Variants in NR6A1 observed in about 807,000 individuals in gnomAD.
NR6A1 encodes the protein nuclear receptor subfamily 6 group A member 1, also known as retinoic acid receptor-related testis-associated receptor.
A neutral mutation model predicts 59.1 loss-of-function variants in NR6A1; 7 were observed. The observed-to-expected ratio is 0.12, with a 90% CI of 0.07 to 0.22. The LOEUF (loss-of-function observed/expected upper bound fraction) is 0.22. Among genes scored for constraint, NR6A1 ranks in the 10% least tolerant of loss-of-function variants. The probability of loss-of-function intolerance (pLI) is 1.00; values close to 1 mark genes in which losing one functional copy is unlikely to be tolerated. For synonymous variants in NR6A1, 243 were observed against 236.1 expected, an observed-to-expected ratio of 1.03 and a Z score of -0.27; for missense variants, 468 against 611.6, an observed-to-expected ratio of 0.77 and a Z score of 2.48.
At chr9:124,670,974 A>G (rs1212354599) in intron 2 of NR6A1, among the ~76,000 whole-genome samples, 1 of 152,240 alleles carries the variant, frequency 6.6e-6, no homozygotes, top group Non-Finnish European at 1.5e-5. Context: ...ATACTACAAC[A>G]TAAGTGAATT....
chr9:124,742,455 A>G (rs558956165), intron 1 of NR6A1, among the ~76,000 whole-genome samples: 1 of 152,126 alleles, frequency 6.6e-6, no homozygotes, highest in African/African-American at 2.4e-5. Flanking sequence ...CAGCTACTCG[A>G]GAGGCTGAGG....
chr9:124,660,387 A>G (rs1006037047), intron 2 of NR6A1, among the ~76,000 whole-genome samples: 4 of 152,320 alleles, frequency 2.6e-5, no homozygotes, highest in Admixed American at 1.3e-4. Context: ...CCTTCCTAGC[A>G]TGGCTCTGAG....
In NR6A1 at chr9:124,590,061, C is replaced by CAAAAAAAAAAAA. The variant is rs71372976; in HGVS notation, c.143-35503_143-35492dup. Reference sequence around the variant, plus strand: ...GCCTGGTGACAGAGCAAGACTCTGTCAAAAAAAAAAAAAAAAAAAAAAAAA... The same window carrying CAAAAAAAAAAAA: ...GCCTGGTGACAGAGCAAGACTCTGTCAAAAAAAAAAAAAAAAAAAAAAAAAAAAAAAAAAAAA... On this transcript the variant is annotated intron_variant, in intron 2 of 9. Transcript: ENST00000487099. Among the ~76,000 whole-genome samples, 7 of 30,894 alleles carry CAAAAAAAAAAAA rather than the reference C, an allele frequency of 2.3e-4. 2 individuals are homozygous for CAAAAAAAAAAAA. Among genetic ancestry groups the CAAAAAAAAAAAA allele is most frequent in the South Asian group, 1.7e-3 (1 of 590 alleles). 20.3% of individuals were successfully genotyped at this position (30,894 alleles called of 152,430 possible). A position where few individuals can be genotyped will look rare whatever the true frequency, so the allele number is the denominator to read the frequency against.
At chr9:124,607,856 G>C (rs748606113) in intron 2 of NR6A1, among the ~76,000 whole-genome samples, 2 of 152,082 alleles carry the variant, frequency 1.3e-5, no homozygotes, top group Admixed American at 1.3e-4. Context: ...ACCAACCTGG[G>C]CAACATAGCG....
intron 2 of NR6A1, among the ~76,000 whole-genome samples, chr9:124,680,250 CTGTT>C (rs1838103592): frequency 6.6e-6 from 1 of 152,128 alleles, no homozygotes; most frequent in Non-Finnish European, 1.5e-5. Context: ...CATCTGGACA[CTGTT>C]TGGCATGCTG....
intron 3 of NR6A1, among the ~76,000 whole-genome samples, chr9:124,549,179 AGGATGTTACAAATAAAC>A (rs527758027): frequency 7.7e-4 from 117 of 152,334 alleles, no homozygotes; most frequent in African/African-American, 2.7e-3. Flanking sequence ...GGCTTCTTAG[AGGATGTTACAAATAAAC>A]GCTGAACCTT....
At chr9:124,582,608 C>T (rs1834807207) in intron 2 of NR6A1, among the ~76,000 whole-genome samples, 1 of 152,028 alleles carries the variant, frequency 6.6e-6, no homozygotes, top group South Asian at 2.1e-4. Flanking sequence ...GGTTCTGGGC[C>T]AGGTGGAGTG....
At chr9:124,722,795 G>C (rs959614465) in intron 2 of NR6A1, among the ~76,000 whole-genome samples, 2 of 152,122 alleles carry the variant, frequency 1.3e-5, no homozygotes, top group African/African-American at 4.8e-5. Flanking sequence ...TCTTGGTTCA[G>C]TGCAGCCTCA....
intron 2 of NR6A1, among the ~76,000 whole-genome samples, chr9:124,725,869 G>A (rs1839700646): frequency 6.6e-6 from 1 of 152,188 alleles, no homozygotes; most frequent in Non-Finnish European, 1.5e-5. Context: ...TAGACCAAAG[G>A]AGTTTGCTGG....
intron 2 of NR6A1, among the ~76,000 whole-genome samples, chr9:124,717,251 G>C (rs906974510): frequency 1.3e-5 from 2 of 152,096 alleles, no homozygotes; most frequent in African/African-American, 2.4e-5. Flanking sequence ...ATGACTAAGA[G>C]AAATAAAAAC....
chr9:124,689,908 G>A (rs1838468428), intron 2 of NR6A1, among the ~76,000 whole-genome samples: 2 of 152,016 alleles, frequency 1.3e-5, no homozygotes, highest in South Asian at 2.1e-4. Context: ...TTATATTTAC[G>A]TGTAGCTCCC....
chr9:124,744,609 T>C (rs1840271952), intron 1 of NR6A1, among the ~76,000 whole-genome samples: 1 of 152,222 alleles, frequency 6.6e-6, no homozygotes, highest in South Asian at 2.1e-4. Flanking sequence ...CAGCAGGACC[T>C]CAACGTCCAA....
Position 124,771,303 on chromosome 9 carries a change from C to G in NR6A1, c.-184G>C, listed in dbSNP as rs1180844047. On this transcript the variant is annotated 5_prime_UTR_variant, in exon 1 of 10. Transcript: ENST00000487099. The stretch of plus-strand genomic sequence containing the variant: ...TCCGCGCCCCTCCGCGCCGCGCCCC[C>G]TCAGCACTGGCCAGCTCCCTCCCCT... The G allele has an allele frequency of 1.0e-5, 4 of 389,196 alleles. No homozygotes were observed. Among genetic ancestry groups the G allele is most frequent in the African/African-American group, 2.1e-5 (1 of 48,108 alleles). The allele number at this position is 389,196 out of a possible 1,614,324, so 24.1% of individuals were successfully genotyped here.
At chr9:124,682,899 T>C (rs1178199029) in intron 2 of NR6A1, among the ~76,000 whole-genome samples, 1 of 152,132 alleles carries the variant, frequency 6.6e-6, no homozygotes, top group Non-Finnish European at 1.5e-5. Flanking sequence ...AAGTAACATA[T>C]AGCACAGTCA....
chr9:124,568,877 G>A (rs1322846423), intron 2 of NR6A1, among the ~76,000 whole-genome samples: 2 of 151,876 alleles, frequency 1.3e-5, no homozygotes, highest in African/African-American at 4.9e-5. Flanking sequence ...ACTTTGGGAG[G>A]CCGAGGCGGG....
At chr9:124,553,724 A>T (rs1315086713) in intron 3 of NR6A1, among the ~76,000 whole-genome samples, 1 of 151,318 alleles carries the variant, frequency 6.6e-6, no homozygotes, top group East Asian at 1.9e-4. Flanking sequence ...GTTCCTTCAG[A>T]TCCTTCAGAT....
intron 3 of NR6A1, among the ~76,000 whole-genome samples, chr9:124,546,803 C>G (rs1833615328): frequency 6.6e-6 from 1 of 152,206 alleles, no homozygotes; most frequent in Non-Finnish European, 1.5e-5. Flanking sequence ...ACCATATTTT[C>G]AAACTTATAA....
chr9:124,710,903 A>C (rs1341864968), intron 2 of NR6A1, among the ~76,000 whole-genome samples: 1 of 152,154 alleles, frequency 6.6e-6, no homozygotes, highest in Non-Finnish European at 1.5e-5. Flanking sequence ...CTTCAATTAC[A>C]GTTCATTCAG....
chr9:124,690,598 G>T (rs1838506876), intron 2 of NR6A1, among the ~76,000 whole-genome samples: 2 of 151,916 alleles, frequency 1.3e-5, no homozygotes, highest in Admixed American at 1.3e-4. Flanking sequence ...TGCAGTGGTG[G>T]ATCACAACTC....
Sources: allele counts gnomAD v4.1 joint callset (sites outside exome capture counted in the v4.1 genomes callset), GRCh38; gene constraint gnomAD v4.1.1; transcripts MANE v1.5; gene names NCBI Gene and HGNC (gene_info 2026-07-23, HGNC 2026-07-21).